Variants in MICU1 observed in about 807,000 individuals in gnomAD.
MICU1 encodes the protein calcium uptake protein 1, mitochondrial.
A neutral mutation model predicts 56.8 loss-of-function variants in MICU1; 45 were observed. The ratio of observed to expected loss-of-function variants is 0.79; its 90% CI spans 0.62 to 1.02. The LOEUF (loss-of-function observed/expected upper bound fraction) is 1.02. Among genes scored for constraint, MICU1 ranks in the 50% least tolerant of loss-of-function variants. MICU1 has a pLI of 0.00. For synonymous variants in MICU1, 186 were observed against 195.1 expected, an observed-to-expected ratio of 0.95 and a Z score of 0.39; for missense variants, 504 against 587.1, an observed-to-expected ratio of 0.86 and a Z score of 1.46.
chr10:72,439,220 T>C (rs1275596459), intron 8 of MICU1, among the ~76,000 whole-genome samples: 1 of 152,212 alleles, frequency 6.6e-6, no homozygotes, highest in Non-Finnish European at 1.5e-5. Flanking sequence ...GTTGGCTTCA[T>C]CCCTGGGATG....
chr10:72,423,922 C>T (rs1864261690), intron 8 of MICU1, among the ~76,000 whole-genome samples: 1 of 152,196 alleles, frequency 6.6e-6, no homozygotes, highest in Admixed American at 6.5e-5. Flanking sequence ...AGAGATAGGA[C>T]TTACATATGA....
intron 6 of MICU1, among the ~76,000 whole-genome samples, chr10:72,485,921 T>C (rs1447251298): frequency 1.3e-5 from 2 of 151,424 alleles, no homozygotes; most frequent in African/African-American, 4.9e-5. Flanking sequence ...ACACACCCCC[T>C]ATGTGTGAAT....
chr10:72,388,429 A>G (rs1270116307), intron 10 of MICU1, among the ~76,000 whole-genome samples: 1 of 152,216 alleles, frequency 6.6e-6, no homozygotes, highest in East Asian at 1.9e-4. Flanking sequence ...TTCCAAAGGT[A>G]AAGATCACAG....
intron 10 of MICU1, among the ~76,000 whole-genome samples, chr10:72,377,924 G>T (rs1237543031): frequency 6.6e-6 from 1 of 152,104 alleles, no homozygotes; most frequent in African/African-American, 2.4e-5. Context: ...ATACGGTTTA[G>T]ATTTGTGCCC....
At chr10:72,411,237 G>A (rs367719110) in intron 9 of MICU1, among the ~76,000 whole-genome samples, 5 of 152,188 alleles carry the variant, frequency 3.3e-5, no homozygotes, top group Middle Eastern at 3.4e-3. Context: ...AAGGAGTTCC[G>A]GTTTGGGAAG....
At chr10:72,559,602 G>A (rs1840242680) in intron 3 of MICU1, among the ~76,000 whole-genome samples, 1 of 152,138 alleles carries the variant, frequency 6.6e-6, no homozygotes, top group African/African-American at 2.4e-5. Flanking sequence ...AAGGTGGGAG[G>A]ATTGCTTGAG....
chr10:72,440,955 T>G (rs978104082), intron 8 of MICU1, among the ~76,000 whole-genome samples: 1 of 152,124 alleles, frequency 6.6e-6, no homozygotes, highest in Non-Finnish European at 1.5e-5. Flanking sequence ...GTTGGTGGGA[T>G]TGTAAATTAG....
intron 5 of MICU1, among the ~76,000 whole-genome samples, chr10:72,521,845 AAAGTCCAAGCCAATG>A (rs1867832099): frequency 6.7e-6 from 1 of 149,088 alleles, no homozygotes; most frequent in Non-Finnish European, 1.5e-5. Context: ...GTTGAAGAGG[AAAGTCCAAGCCAATG>A]ATACAGGTGC....
chr10:72,522,451 G>T (rs1335743706), intron 5 of MICU1, among the ~76,000 whole-genome samples: 1 of 152,042 alleles, frequency 6.6e-6, no homozygotes, highest in Non-Finnish European at 1.5e-5. Context: ...ATTTTAATAG[G>T]AGTCTGAATA....
intron 2 of MICU1, among the ~76,000 whole-genome samples, chr10:72,563,722 C>T (rs1405858223): frequency 6.6e-6 from 1 of 152,056 alleles, no homozygotes; most frequent in Non-Finnish European, 1.5e-5. Flanking sequence ...TGACAGAAGC[C>T]CTCATCCACA....
chr10:72,533,597 T>C, intron 5 of MICU1, 149 bp downstream of exon 5: 2 of 545,698 alleles, frequency 3.7e-6, no homozygotes, highest in Non-Finnish European at 6.3e-6. Context: ...TGTAGAGGTA[T>C]GTAGAGGCAC....
chr10:72,552,569 T>A (rs190437757), intron 3 of MICU1, among the ~76,000 whole-genome samples: 8 of 152,308 alleles, frequency 5.3e-5, no homozygotes, highest in Admixed American at 2.6e-4. Flanking sequence ...TTATTTATTT[T>A]TTTGAGATGG....
intron 8 of MICU1, among the ~76,000 whole-genome samples, chr10:72,434,870 T>C (rs1057239207): frequency 4.6e-5 from 7 of 151,978 alleles, no homozygotes; most frequent in Non-Finnish European, 2.9e-5. Flanking sequence ...CATAAGAGAG[T>C]TGGAAATTTA....
intron 5 of MICU1, among the ~76,000 whole-genome samples, chr10:72,522,611 G>A (rs1483139230): frequency 1.3e-5 from 2 of 152,064 alleles, no homozygotes; most frequent in Non-Finnish European, 2.9e-5. Flanking sequence ...AGACATTATG[G>A]ATACTCCTCA....
intron 8 of MICU1, chr10:72,473,313 T>C (rs974432547): frequency 1.5e-4 from 23 of 151,952 alleles, no homozygotes; most frequent in Admixed American, 1.2e-3. Flanking sequence ...AAAGTGAAAA[T>C]TGTAATAAGT....
chr10:72,464,048 C>T (rs1865714694), intron 8 of MICU1, among the ~76,000 whole-genome samples: 1 of 152,154 alleles, frequency 6.6e-6, no homozygotes, highest in East Asian at 1.9e-4. Context: ...GTTATCCCAG[C>T]ACTTTGGGAG....
At chr10:72,611,166 T>A (rs1449698320) in intron 1 of MICU1, among the ~76,000 whole-genome samples, 1 of 151,318 alleles carries the variant, frequency 6.6e-6, no homozygotes, top group African/African-American at 2.4e-5. Context: ...AGCCGGGCGC[T>A]GTAGCGGGCG....
chr10:72,519,142 C>G (rs2132376602), intron 5 of MICU1, among the ~76,000 whole-genome samples: 1 of 152,336 alleles, frequency 6.6e-6, no homozygotes, highest in East Asian at 1.9e-4. Flanking sequence ...ACAAGAATAG[C>G]ATTTCTATTC....
intron 10 of MICU1, among the ~76,000 whole-genome samples, chr10:72,393,514 G>C (rs902362170): frequency 1.2e-4 from 19 of 152,084 alleles, no homozygotes; most frequent in African/African-American, 4.3e-4. Flanking sequence ...GGTGTATTTG[G>C]AATGTGAAAA....
Sources: gnomAD v4.1 joint callset for allele counts (sites outside exome capture counted in the v4.1 genomes callset) on GRCh38, gnomAD v4.1.1 for gene constraint, MANE v1.5 for transcripts, NCBI Gene and HGNC (gene_info 2026-07-23, HGNC 2026-07-21) for gene names.